RBFOX3: variants seen among roughly 807,000 people sequenced by gnomAD.
RBFOX3 encodes RNA binding protein fox-1 homolog 3.
In RBFOX3, 17 loss-of-function variants were observed where a neutral mutation model predicts 48.7. The observed-to-expected ratio is 0.35, with a 90% CI of 0.24 to 0.52. The LOEUF (loss-of-function observed/expected upper bound fraction) is 0.52. Ranked by LOEUF, RBFOX3 falls within the 20% of genes least tolerant of loss-of-function variation. The pLI is 0.94. For missense variants in RBFOX3, 382 were observed against 497.5 expected, an observed-to-expected ratio of 0.77 and a Z score of 2.21; for synonymous variants, 212 against 209.5, an observed-to-expected ratio of 1.01 and a Z score of -0.10.
At chr17:79,219,322 C>T (rs571682285) in intron 4 of RBFOX3, among the ~76,000 whole-genome samples, 2 of 152,372 alleles carry the variant, frequency 1.3e-5, no homozygotes, top group East Asian at 1.9e-4. Context: ...CACAGATTTC[C>T]AAACCACTTC....
chr17:79,368,267 T>C (rs931874276), intron 2 of RBFOX3, among the ~76,000 whole-genome samples: 2 of 148,818 alleles, frequency 1.3e-5, no homozygotes, highest in African/African-American at 4.9e-5. Flanking sequence ...GCTGCAAAGA[T>C]GAGGGGTCCA....
chr17:79,645,485 G>A, the RBFOX3 span, among the ~76,000 whole-genome samples: 10 of 152,274 alleles, frequency 6.6e-5, no homozygotes, highest in African/African-American at 2.4e-4. Flanking sequence ...GATGCTGAAT[G>A]TCACCTTCTA....
At chr17:79,606,860 G>A (rs1394388867) in intron 1 of RBFOX3, among the ~76,000 whole-genome samples, 2 of 152,066 alleles carry the variant, frequency 1.3e-5, no homozygotes, top group Admixed American at 6.5e-5. Context: ...CTAAGCATCC[G>A]CGCCACTCAG....
chr17:79,610,459 A>T (rs1178497579), intron 1 of RBFOX3, among the ~76,000 whole-genome samples: 2 of 151,214 alleles, frequency 1.3e-5, no homozygotes, highest in African/African-American at 2.4e-5. Flanking sequence ...CGCCACAGCC[A>T]CCACCACCGC....
chr17:79,633,599 T>C, the RBFOX3 span, among the ~76,000 whole-genome samples: 1 of 137,258 alleles, frequency 7.3e-6, no homozygotes, highest in African/African-American at 3.2e-5. Context: ...CCAGCGGCTG[T>C]TTTTTTTTTT....
intron 2 of RBFOX3, among the ~76,000 whole-genome samples, chr17:79,394,842 A>G (rs957490724): frequency 6.6e-6 from 1 of 152,176 alleles, no homozygotes; most frequent in Non-Finnish European, 1.5e-5. Context: ...TACATGAGTG[A>G]CCCAGTGAGG....
chr17:79,106,230 C>T (rs1156327286), intron 6 of RBFOX3, among the ~76,000 whole-genome samples: 1 of 152,086 alleles, frequency 6.6e-6, no homozygotes, highest in Non-Finnish European at 1.5e-5. Context: ...GGTTGAGCTG[C>T]CCCTCCAGGT....
intron 2 of RBFOX3, among the ~76,000 whole-genome samples, chr17:79,411,005 C>T (rs962510618): frequency 2.0e-5 from 3 of 152,184 alleles, no homozygotes; most frequent in African/African-American, 7.2e-5. Flanking sequence ...AGTGCAGAGA[C>T]CCCGCTTTCT....
chr17:79,630,459 A>C, the RBFOX3 span, among the ~76,000 whole-genome samples: 1 of 152,148 alleles, frequency 6.6e-6, no homozygotes, highest in East Asian at 1.9e-4. Context: ...TCTCGGAGGA[A>C]ATGTGGGTAC....
intron 4 of RBFOX3, among the ~76,000 whole-genome samples, chr17:79,225,880 A>C (rs2060256313): frequency 6.6e-6 from 1 of 152,146 alleles, no homozygotes; most frequent in Non-Finnish European, 1.5e-5. Flanking sequence ...GAGGAGAGTC[A>C]ACAAACATAA....
At chr17:79,335,509 C>T (rs56047819) in intron 2 of RBFOX3, among the ~76,000 whole-genome samples, 20,553 of 152,234 alleles carry the variant, frequency 0.14, 1,460 homozygotes, top group East Asian at 0.21. Context: ...TGGCCATGCA[C>T]GGATCCTCTA....
intron 4 of RBFOX3, among the ~76,000 whole-genome samples, chr17:79,213,664 C>A (rs998762504): frequency 1.3e-5 from 2 of 152,214 alleles, no homozygotes; most frequent in Admixed American, 6.5e-5. Context: ...CCGGGGACTG[C>A]GACCATTAGG....
Position 79,115,682 on chromosome 17 carries a change from G to C in RBFOX3, c.34C>G (p.Pro12Ala), listed in dbSNP as rs1463049113. ...GCAGGGATGCCGTTCTGTGGCGGAG[G>C]GGGGTACTGGGCGGGGGGGTAGGGC... Reference protein sequence around the residue: ...AQPYPPAQYPPPPQNGIPAEY... With the variant: ...AQPYPPAQYPAPPQNGIPAEY... Residue 12 changes from proline (P) to alanine (A), a missense_variant, in exon 5 of 15, where the codon CCT becomes GCT. Pro to Ala is a conservative substitution (Grantham distance 27). This residue lies in a region of RBFOX3 where 118 missense variants were observed against 132.1 expected (regional missense o/e 0.89). Coordinates refer to ENST00000693108, the MANE Select transcript of RBFOX3 (RefSeq NM_001350451.2). The C allele has an allele frequency of 1.9e-6, 2 of 1,030,652 alleles. No individual in the cohort carries two copies. The highest frequency in any genetic ancestry group is 2.9e-5 in the East Asian group (1 of 35,072). 63.8% of individuals were successfully genotyped at this position (1,030,652 alleles called of 1,614,324 possible).
At chr17:79,525,608 G>A (rs1047701233) in intron 1 of RBFOX3, among the ~76,000 whole-genome samples, 1 of 152,176 alleles carries the variant, frequency 6.6e-6, no homozygotes, top group African/African-American at 2.4e-5. Context: ...TCACATACGT[G>A]TAATCAAATC....
chr17:79,261,156 C>T (rs1342430620), intron 3 of RBFOX3, among the ~76,000 whole-genome samples: 1 of 152,150 alleles, frequency 6.6e-6, no homozygotes, highest in Non-Finnish European at 1.5e-5. Flanking sequence ...GAGCCCCCTA[C>T]AAACATACTC....
At chr17:79,092,504 ACTGTCTT>A in intron 14 of RBFOX3, 1 of 986,128 alleles carries the variant, frequency 1.0e-6, no homozygotes, top group Non-Finnish European at 1.2e-6. Context: ...GGAGGGGTGC[ACTGTCTT>A]CTGGTGGCTG....
chr17:79,091,663 C>T (rs895651271), intron 14 of RBFOX3, among the ~76,000 whole-genome samples: 3 of 152,184 alleles, frequency 2.0e-5, no homozygotes, highest in Non-Finnish European at 4.4e-5. Context: ...TGCCCCTCAT[C>T]AGCTCTCCTG....
At chr17:79,367,123 C>G (rs983435553) in intron 2 of RBFOX3, among the ~76,000 whole-genome samples, 1 of 152,096 alleles carries the variant, frequency 6.6e-6, no homozygotes, top group South Asian at 2.1e-4. Context: ...TGACCCCAGG[C>G]CTGCATGTCA....
intron 2 of RBFOX3, among the ~76,000 whole-genome samples, chr17:79,340,365 C>A (rs1294802276): frequency 6.6e-6 from 1 of 152,070 alleles, no homozygotes; most frequent in African/African-American, 2.4e-5. Context: ...GGGAGCCAGG[C>A]TGCCAGCAGC....
Sources: allele counts gnomAD v4.1 joint callset (sites outside exome capture counted in the v4.1 genomes callset), GRCh38; gene constraint gnomAD v4.1.1; regional missense constraint gnomAD v4.1.1; transcripts MANE v1.5; gene names NCBI Gene and HGNC (gene_info 2026-07-23, HGNC 2026-07-21).